GCH1: variants seen among roughly 807,000 people sequenced by gnomAD.
The protein encoded by GCH1 is GTP cyclohydrolase I.
In GCH1, 5 loss-of-function variants were observed where a neutral mutation model predicts 25.9. That is an observed-to-expected ratio of 0.19 (90% CI 0.10 to 0.41). The LOEUF (loss-of-function observed/expected upper bound fraction) is 0.41, where lower values mean the gene tolerates loss of function less well. Ranked by LOEUF, GCH1 falls within the 10% of genes least tolerant of loss-of-function variation. GCH1 has a pLI of 1.00. For synonymous variants in GCH1, 159 were observed against 129.6 expected (o/e 1.23, Z -1.54); for missense variants, 261 against 336.5 (o/e 0.78, Z 1.75).
intron 1 of GCH1, among the ~76,000 whole-genome samples, chr14:54,896,151 G>T (rs1181060450): frequency 6.6e-6 from 1 of 152,036 alleles, no homozygotes; most frequent in African/African-American, 2.4e-5. Flanking sequence ...TTAATATATA[G>T]AATACAGATA....
intron 1 of GCH1, among the ~76,000 whole-genome samples, chr14:54,893,803 C>T (rs1333595705): frequency 6.6e-6 from 1 of 152,224 alleles, no homozygotes; most frequent in East Asian, 1.9e-4. Flanking sequence ...TTACTCAGAA[C>T]ATCAGTCGGC....
chr14:54,861,442 A>T lies in GCH1; in HGVS notation c.454-1706T>A, dbSNP rs533482601. On this transcript the variant is annotated intron_variant, in intron 2 of 5. Transcript: ENST00000491895. Reference sequence around the variant, plus strand: ...GGTAATTTAAATGTCCATTTCACAAAATCACTAGATAGGCCAGGAGTGGTG... The same window carrying T: ...GGTAATTTAAATGTCCATTTCACAATATCACTAGATAGGCCAGGAGTGGTG... 6.6e-5 allele frequency among the ~76,000 whole-genome samples: 10 copies of T among 152,236 alleles called. No individual in the cohort carries two copies. The East Asian group carries it at 1.7e-3, about 26-fold the overall frequency.
intron 2 of GCH1, among the ~76,000 whole-genome samples, 187 bp downstream of exon 2, chr14:54,865,140 T>G (rs1594988854): frequency 6.6e-6 from 1 of 152,194 alleles, no homozygotes; most frequent in East Asian, 1.9e-4. Flanking sequence ...GAGAGCCTTC[T>G]GCTACTTTGG....
chr14:54,857,177 T>C (rs757405261), intron 3 of GCH1, among the ~76,000 whole-genome samples: 1 of 152,352 alleles, frequency 6.6e-6, no homozygotes, highest in South Asian at 2.1e-4. Context: ...TTTGGCTTCA[T>C]GTTCCATTTT....
chr14:54,880,464 CCA>C (rs2040232621), intron 1 of GCH1, among the ~76,000 whole-genome samples: 1 of 101,642 alleles, frequency 9.8e-6, no homozygotes, highest in East Asian at 3.3e-4. Flanking sequence ...AATATATACT[CCA>C]TATATATATA....
In GCH1 at chr14:54,852,312, A is replaced by G. The variant is rs145566203; in HGVS notation, c.510-5182T>C. 2.4e-3 allele frequency among the ~76,000 whole-genome samples: 369 copies of G among 152,348 alleles called. 1 individual carries two copies. Among genetic ancestry groups the G allele is most frequent in the African/African-American group, 8.3e-3 (344 of 41,568 alleles). Reference sequence around the variant, plus strand: ...ACACTAAAATAAATGTGAGTGATACATACATTTAAGAAAGATTAATGGAAA... The same window carrying G: ...ACACTAAAATAAATGTGAGTGATACGTACATTTAAGAAAGATTAATGGAAA... On this transcript the variant is annotated intron_variant, in intron 3 of 5. Transcript: ENST00000491895.
chr14:54,895,278 G>A lies in GCH1; in HGVS notation c.343+7043C>T, dbSNP rs569942213. ...CTCAGCCCTCACAGGGAAGCAGTCAGCCATCTCCAATGCCATCTCCTCACG... is the reference window on the plus strand; with the variant it reads ...CTCAGCCCTCACAGGGAAGCAGTCAACCATCTCCAATGCCATCTCCTCACG... On this transcript the variant is annotated intron_variant, in intron 1 of 5. Transcript: ENST00000491895. Among the ~76,000 whole-genome samples the A allele has an allele frequency of 2.0e-5, 3 of 152,318 alleles. No individual in the cohort carries two copies. The South Asian group carries it at 6.2e-4, about 32-fold the overall frequency.
intron 1 of GCH1, among the ~76,000 whole-genome samples, chr14:54,867,023 A>G (rs1486245803): frequency 6.6e-6 from 1 of 152,150 alleles, no homozygotes; most frequent in Non-Finnish European, 1.5e-5. Context: ...ATAGATCCTT[A>G]ATGTTTCCAA....
chr14:54,901,997 C>A (rs75097692), intron 1 of GCH1, among the ~76,000 whole-genome samples: 3,451 of 152,264 alleles, frequency 0.023, 53 homozygotes, highest in South Asian at 0.049. Flanking sequence ...CCGCGCTGGG[C>A]GCTCAGGCGA....
At chr14:54,883,798 C>T (rs2040308914) in intron 1 of GCH1, among the ~76,000 whole-genome samples, 1 of 152,190 alleles carries the variant, frequency 6.6e-6, no homozygotes, top group East Asian at 1.9e-4. Context: ...ACAGTCACCA[C>T]GTCATTCCTG....
intron 1 of GCH1, among the ~76,000 whole-genome samples, chr14:54,886,501 G>A (rs1332319905): frequency 1.1e-4 from 17 of 152,198 alleles, no homozygotes; most frequent in Non-Finnish European, 4.4e-5. Flanking sequence ...AGTCCCAGCT[G>A]CTCGGGGGGC....
At chr14:54,851,684 C>T (rs1004155783) in intron 3 of GCH1, among the ~76,000 whole-genome samples, 50 of 152,166 alleles carry the variant, frequency 3.3e-4, no homozygotes, top group African/African-American at 4.8e-5. Flanking sequence ...TACCATCTCA[C>T]ACCAGTTAGA....
chr14:54,878,682 C>T (rs2040198491), intron 1 of GCH1, among the ~76,000 whole-genome samples: 1 of 152,226 alleles, frequency 6.6e-6, no homozygotes, highest in Admixed American at 6.5e-5. Context: ...ACACACTTCC[C>T]TGTAACACCA....
At chr14:54,861,283 G>A (rs952421302) in intron 2 of GCH1, among the ~76,000 whole-genome samples, 1 of 152,080 alleles carries the variant, frequency 6.6e-6, no homozygotes, top group Admixed American at 6.5e-5. Flanking sequence ...TGAACATTGA[G>A]GATTTCAAAG....
At chr14:54,874,205 T>G (rs1190215088) in intron 1 of GCH1, among the ~76,000 whole-genome samples, 2 of 152,198 alleles carry the variant, frequency 1.3e-5, no homozygotes, top group Non-Finnish European at 2.9e-5. Flanking sequence ...AATCAATAAA[T>G]GTAATCCAGC....
intron 1 of GCH1, among the ~76,000 whole-genome samples, chr14:54,866,341 C>T (rs567094627): frequency 6.6e-6 from 1 of 151,882 alleles, no homozygotes; most frequent in Admixed American, 6.6e-5. Context: ...AGGCAGGTAC[C>T]CAAACAACAT....
At chr14:54,870,521 C>A (rs548427264) in intron 1 of GCH1, among the ~76,000 whole-genome samples, 2 of 152,098 alleles carry the variant, frequency 1.3e-5, no homozygotes, top group Non-Finnish European at 2.9e-5. Flanking sequence ...GGGGGTGCAG[C>A]GCACCCAGTG....
Position 54,842,564 on chromosome 14 carries a change from CA to C in GCH1, c.*1452del. 1 of 154,640 alleles carries C rather than the reference CA, an allele frequency of 6.5e-6. No individual in the cohort carries two copies. Among genetic ancestry groups the C allele is most frequent in the Non-Finnish European group, 1.4e-5 (1 of 69,596 alleles). 9.6% of individuals were successfully genotyped at this position (154,640 alleles called of 1,614,324 possible). ...AGAAGTAGAGAGGAATGGAAAAAAACAAAAAAACCCAATACCTCTGCCATCT... is the reference window on the plus strand; with the variant it reads ...AGAAGTAGAGAGGAATGGAAAAAAACAAAAAACCCAATACCTCTGCCATCT... On this transcript the variant is annotated 3_prime_UTR_variant, in exon 6 of 6. Coordinates refer to ENST00000491895, the MANE Select transcript of GCH1 (RefSeq NM_000161.3).
chr14:54,868,268 T>C (rs1008863327), intron 1 of GCH1, among the ~76,000 whole-genome samples: 4 of 151,708 alleles, frequency 2.6e-5, no homozygotes, highest in African/African-American at 9.7e-5. Flanking sequence ...AAGAAAAAAA[T>C]TAGCCAGGCA....
Sources: allele counts gnomAD v4.1 joint callset (sites outside exome capture counted in the v4.1 genomes callset), GRCh38; gene constraint gnomAD v4.1.1; transcripts MANE v1.5; gene names NCBI Gene and HGNC (gene_info 2026-07-23, HGNC 2026-07-21).